BAHCC1: variants seen among roughly 807,000 people sequenced by gnomAD.
The protein encoded by BAHCC1 is BAH and coiled-coil domain-containing protein 1.
Under a neutral mutation model 88.2 loss-of-function variants are expected in BAHCC1, and 43 were observed. The ratio of observed to expected loss-of-function variants is 0.49; its 90% confidence interval spans 0.38 to 0.63. BAHCC1 has a LOEUF of 0.63. Ranked by LOEUF, BAHCC1 falls within the 20% of genes least tolerant of loss-of-function variation. The pLI is 0.00. For synonymous variants in BAHCC1, 1,510 were observed against 745.5 expected (o/e 2.03, Z -16.71); for missense variants, 3,023 against 1,654.8 (o/e 1.83, Z -14.34).
At chr17:81,398,624 C>T (rs2063770597) in intron 1 of BAHCC1, among the ~76,000 whole-genome samples, 1 of 152,266 alleles carries the variant, frequency 6.6e-6, no homozygotes, top group East Asian at 1.9e-4. Context: ...CACACACACC[C>T]CCAAGCCCCC....
chr17:81,411,877 TC>T lies in BAHCC1; in HGVS notation c.178+11963del, dbSNP rs1215531341. On this transcript the variant is annotated intron_variant, in intron 2 of 27. Transcript: ENST00000675386. The surrounding 1 kb of genome is among the most constrained non-coding windows in gnomAD (Gnocchi z 6.2). ...TGCCCCTCCACACCCTGGTCACTCT[TC>T]CCTCCAGCTCAGCGCTTACCATCGT... 6.6e-6 allele frequency among the ~76,000 whole-genome samples: 1 copy of T among 152,080 alleles called. No individual in the cohort carries two copies. The highest frequency in any genetic ancestry group is 1.5e-5 in the Non-Finnish European group (1 of 68,008).
In BAHCC1 at chr17:81,451,400, C is replaced by T. The variant is rs144797846; in HGVS notation, c.3977-268C>T. Among the ~76,000 whole-genome samples, 214 of 152,308 alleles carry T rather than the reference C, an allele frequency of 1.4e-3. No homozygotes were observed. The South Asian group carries it at 0.015, about 11-fold the overall frequency. On this transcript the variant is annotated intron_variant, in intron 11 of 27. Transcript: ENST00000675386. Reference sequence around the variant, plus strand: ...TTGCTTTTACTTCGATGCTTTGGGGCCTGTCTTGCTCTGTGACACAGAGGA... The same window carrying T: ...TTGCTTTTACTTCGATGCTTTGGGGTCTGTCTTGCTCTGTGACACAGAGGA...
chr17:81,462,001 C>T lies in BAHCC1; in HGVS notation c.7338C>T (p.Phe2446=), dbSNP rs1555659653. 1 of 778,130 alleles carries T rather than the reference C, an allele frequency of 1.3e-6. No homozygotes were observed. The allele number at this position is 778,130 out of a possible 1,614,324, so 48.2% of individuals were successfully genotyped here. A position where few individuals can be genotyped will look rare whatever the true frequency, so the allele number is the denominator to read the frequency against. ...SVENRPKISA[F]LPARQLWKWS... ...AAAACCGGCCAAAGATCTCAGCCTT[C>T]CTGCCCGCCCGGCAGCTCTGGAAGT... Residue 2446 remains phenylalanine (F), a synonymous_variant, in exon 26 of 28, where the codon TTC becomes TTT. Coordinates refer to ENST00000675386, the MANE Select transcript of BAHCC1 (RefSeq NM_001377448.1).
chr17:81,451,785 C>T lies in BAHCC1; in HGVS notation c.4094C>T (p.Thr1365Ile), dbSNP rs1173180069. The T allele has an allele frequency of 3.9e-6, 3 of 766,238 alleles. No individual in the cohort carries two copies. Among genetic ancestry groups the T allele is most frequent in the Non-Finnish European group, 7.2e-6 (3 of 416,232 alleles). 47.5% of individuals were successfully genotyped at this position (766,238 alleles called of 1,614,324 possible). Residue 1365 changes from threonine (T) to isoleucine (I), a missense_variant, in exon 12 of 28, where the codon ACA becomes ATA. Thr to Ile is a moderately conservative substitution (Grantham distance 89). Transcript: ENST00000675386. ...DSSTAPAQPP[T>I]ANPCSGPRLT... ...TCCACTGCCCCAGCGCAGCCGCCCA[C>T]AGCCAACCCCTGCAGCGGCCCCAGG...
At position 81,448,296 on chromosome 17, in the gene BAHCC1, G is replaced by A. The variant is rs566366914; in HGVS notation, c.3976+448G>A. Among the ~76,000 whole-genome samples, 545 of 152,312 alleles carry A rather than the reference G, an allele frequency of 3.6e-3. 3 individuals carry two copies. Among genetic ancestry groups the A allele is most frequent in the African/African-American group, 0.012 (514 of 41,568 alleles). On this transcript the variant is annotated intron_variant, in intron 11 of 27. Transcript: ENST00000675386. ...GGCTCCCCGCTTCAGGCCCAGGGGA[G>A]GGGGCAGGAGGCTGGGGCTCCTGCT...
chr17:81,397,043 G>A (rs2063752872), intron 1 of BAHCC1: 1 of 152,182 alleles, frequency 6.6e-6, no homozygotes, highest in East Asian at 1.9e-4. Flanking sequence ...CTCCCAGCTC[G>A]GGCCGTGTGG....
At chr17:81,460,146 T>A (rs1293617075) in intron 23 of BAHCC1, 131 bp from the exon 24 acceptor site, 1 of 631,192 alleles carries the variant, frequency 1.6e-6, no homozygotes, top group African/African-American at 1.8e-5. Context: ...GCGGCTCCAC[T>A]GTCTGTGTGG....
chr17:81,416,559 G>A (rs1206276679), intron 2 of BAHCC1, among the ~76,000 whole-genome samples: 2 of 75,920 alleles, frequency 2.6e-5, no homozygotes, highest in Admixed American at 2.8e-4. Context: ...ACATGAGGAT[G>A]GGTGTATGTG....
intron 2 of BAHCC1, 142 bp from the exon 3 acceptor site, chr17:81,426,658 T>C (rs1206443068): frequency 2.5e-6 from 1 of 397,848 alleles, no homozygotes; most frequent in Admixed American, 4.4e-5. Flanking sequence ...CATCGGTTTC[T>C]TGGATATTGA....
rs548584191 is a variant in BAHCC1 at position 81,399,649 on chromosome 17, C to T, written c.-91C>T. On this transcript the variant is annotated 5_prime_UTR_variant, in exon 2 of 28. Transcript: ENST00000675386. The surrounding 1 kb of genome is among the most constrained non-coding windows in gnomAD (Gnocchi z 4.5). ...CCACCGCCTGTGACCCCGGACGCCG[C>T]CGCCTCTGCGCCGCCCGCGCGCCGA... 32 of 893,084 alleles carry T rather than the reference C, an allele frequency of 3.6e-5. No individual in the cohort carries two copies. The South Asian group carries it at 6.6e-4, about 18-fold the overall frequency. The allele number at this position is 893,084 out of a possible 1,614,324, so 55.3% of individuals were successfully genotyped here.
chr17:81,417,555 A>ACCGCCCC (rs1555648925), intron 2 of BAHCC1, among the ~76,000 whole-genome samples: 8 of 131,490 alleles, frequency 6.1e-5, no homozygotes, highest in Admixed American at 1.5e-4. Flanking sequence ...AGCGTCGGCC[A>ACCGCCCC]CCCCCCCCCC....
At chr17:81,409,147 G>A (rs1828910177) in intron 2 of BAHCC1, among the ~76,000 whole-genome samples, 1 of 152,204 alleles carries the variant, frequency 6.6e-6, no homozygotes, top group Non-Finnish European at 1.5e-5. Context: ...CTGGACCATG[G>A]CGTGGGGCCA....
In BAHCC1 at chr17:81,447,341, C is replaced by A; in HGVS notation, c.3469C>A (p.Leu1157Met). The change falls in exon 11 of 28, where the codon CTG becomes ATG. Residue 1157 changes from leucine (L) to methionine (M), a missense_variant. Transcript: ENST00000675386. ...DPSPLEGLQE[L>M]QCAALLEAGG... ...CAGCCCACTAGAGGGGCTACAAGAA[C>A]TGCAATGTGCGGCCCTCCTGGAGGC... is the stretch of plus-strand genomic sequence containing the variant. The A allele has an allele frequency of 2.7e-6, 2 of 747,500 alleles. No homozygotes were observed. Among genetic ancestry groups the A allele is most frequent in the Non-Finnish European group, 5.0e-6 (2 of 403,182 alleles). The allele number at this position is 747,500 out of a possible 1,614,324, so 46.3% of individuals were successfully genotyped here. A position where few individuals can be genotyped will look rare whatever the true frequency, so the allele number is the denominator to read the frequency against.
At chr17:81,404,703 G>C (rs2063858312) in intron 2 of BAHCC1, among the ~76,000 whole-genome samples, 1 of 152,246 alleles carries the variant, frequency 6.6e-6, no homozygotes, top group Admixed American at 6.5e-5. Context: ...GATGTTCGCT[G>C]TCAACTTACA....
chr17:81,452,112 G>A lies in BAHCC1; in HGVS notation c.4316+5G>A, dbSNP rs782555709. On this transcript the variant is annotated splice_donor_5th_base_variant and intron_variant, in intron 13 of 27. Coordinates refer to ENST00000675386, the MANE Select transcript of BAHCC1 (RefSeq NM_001377448.1). The stretch of plus-strand genomic sequence containing the variant: ...GCAGCGCAAGCACGACCATGAGTAC[G>A]CCTGGCGTGGCGGGGGGGCCTGGGA... 68 of 620,858 alleles carry A rather than the reference G, an allele frequency of 1.1e-4. No homozygotes were observed. The Middle Eastern group carries it at 1.3e-3, about 12-fold the overall frequency. 38.5% of individuals were successfully genotyped at this position (620,858 alleles called of 1,614,324 possible).
Position 81,411,021 on chromosome 17 carries a change from G to A in BAHCC1, c.178+11104G>A, listed in dbSNP as rs527712432. On this transcript the variant is annotated intron_variant, in intron 2 of 27. Transcript: ENST00000675386. This position sits in a 1 kb window ranked among gnomAD's most constrained non-coding sequence, Gnocchi z 6.2. Reference sequence around the variant, plus strand: ...GCACCTGGGTCTTTGTTGTCCATATGTCTGTGTGAAGGCCTGGGGCCCCCG... The same window carrying A: ...GCACCTGGGTCTTTGTTGTCCATATATCTGTGTGAAGGCCTGGGGCCCCCG... 3.9e-6 allele frequency: 2 copies of A among 515,352 alleles called. No individual in the cohort carries two copies. Among genetic ancestry groups the A allele is most frequent in the South Asian group, 1.4e-5 (1 of 71,098 alleles). The allele number at this position is 515,352 out of a possible 1,614,324, so 31.9% of individuals were successfully genotyped here. A position where few individuals can be genotyped will look rare whatever the true frequency, so the allele number is the denominator to read the frequency against.
chr17:81,443,873 A>G lies in BAHCC1; in HGVS notation c.2280A>G (p.Leu760=), dbSNP rs1555653511. The change falls in exon 6 of 28, where the codon CTA becomes CTG. Residue 760 remains leucine, a synonymous_variant. Transcript: ENST00000675386. ...AGGCTGAGGAGGAGAGGACGAGGCTATGTGATGACCGCCTGGGGCTTGCCA... is the reference window on the plus strand; with the variant it reads ...AGGCTGAGGAGGAGAGGACGAGGCTGTGTGATGACCGCCTGGGGCTTGCCA... The part of the protein sequence containing the change: ...DLEAEEERTR[L]CDDRLGLASR... 4.2e-6 allele frequency: 3 copies of G among 714,152 alleles called. No individual in the cohort carries two copies. The highest frequency in any genetic ancestry group is 2.3e-4 in the Middle Eastern group (1 of 4,362). 44.2% of individuals were successfully genotyped at this position (714,152 alleles called of 1,614,324 possible).
In BAHCC1 at chr17:81,447,118, C is replaced by T. The variant is rs2064544090; in HGVS notation, c.3246C>T (p.Asp1082=). ...PSDVHSSNLE[D]PETMQTTAPG... is the part of the protein sequence containing the mutation. ...ACGTGCACTCTTCTAACCTCGAGGA[C>T]CCTGAAACTATGCAAACCACCGCCC... Residue 1082 remains aspartate, a synonymous_variant, in exon 11 of 28, where the codon GAC becomes GAT. Coordinates refer to ENST00000675386, the MANE Select transcript of BAHCC1 (RefSeq NM_001377448.1). The T allele has an allele frequency of 1.3e-6, 1 of 779,198 alleles. No individual in the cohort carries two copies. The allele number at this position is 779,198 out of a possible 1,614,324, so 48.3% of individuals were successfully genotyped here. A position where few individuals can be genotyped will look rare whatever the true frequency, so the allele number is the denominator to read the frequency against.
chr17:81,446,844 C>A, intron 10 of BAHCC1, 192 bp from the exon 11 acceptor site: 1 of 675,044 alleles, frequency 1.5e-6, no homozygotes. Context: ...TGAGCTACTG[C>A]ACCCAGCCAG....
Sources: allele counts gnomAD v4.1 joint callset (sites outside exome capture counted in the v4.1 genomes callset), GRCh38; gene constraint gnomAD v4.1.1; non-coding constraint Gnocchi (gnomAD v3.1); transcripts MANE v1.5; gene names NCBI Gene and HGNC (gene_info 2026-07-23, HGNC 2026-07-21).